CSMD3: variants seen among roughly 807,000 people sequenced by gnomAD.
CSMD3 encodes the protein CUB and Sushi multiple domains 3.
A neutral mutation model predicts 435.2 loss-of-function variants in CSMD3; 177 were observed. That is an observed-to-expected ratio of 0.41 (90% CI 0.36 to 0.46). CSMD3 has a LOEUF of 0.46. Ranked by LOEUF, CSMD3 falls within the 20% of genes least tolerant of loss-of-function variation. The probability of loss-of-function intolerance (pLI) is 0.34; values close to 1 mark genes in which losing one functional copy is unlikely to be tolerated. For missense variants in CSMD3, 4,265 were observed against 4,504.6 expected, an observed-to-expected ratio of 0.95 and a Z score of 1.52; for synonymous variants, 1,656 against 1,520.5, an observed-to-expected ratio of 1.09 and a Z score of -2.07.
intron 70 of CSMD3, among the ~76,000 whole-genome samples, chr8:112,226,628 G>C (rs900814920): frequency 6.6e-6 from 1 of 152,006 alleles, no homozygotes; most frequent in African/African-American, 2.4e-5. Context: ...TACAACCCAC[G>C]GAAAGGGAGA....
At chr8:112,996,939 C>A (rs1423509185) in intron 6 of CSMD3, among the ~76,000 whole-genome samples, 1 of 151,546 alleles carries the variant, frequency 6.6e-6, no homozygotes, top group Non-Finnish European at 1.5e-5. Flanking sequence ...GATAACAGAA[C>A]TGTAAAAGAG....
At chr8:112,612,278 C>T (rs1010230574) in intron 22 of CSMD3, among the ~76,000 whole-genome samples, 3 of 152,098 alleles carry the variant, frequency 2.0e-5, no homozygotes, top group African/African-American at 7.2e-5. Flanking sequence ...TTTCAGCAGA[C>T]CTAAAGTCTG....
intron 10 of CSMD3, among the ~76,000 whole-genome samples, chr8:112,890,314 A>C (rs937203714): frequency 2.0e-5 from 3 of 151,692 alleles, no homozygotes; most frequent in African/African-American, 7.3e-5. Flanking sequence ...TGTCTTTGCT[A>C]TAAGTATCTG....
intron 38 of CSMD3, among the ~76,000 whole-genome samples, chr8:112,375,125 T>C (rs1287218539): frequency 6.6e-6 from 1 of 152,150 alleles, no homozygotes; most frequent in Non-Finnish European, 1.5e-5. Context: ...CATTTTTTAG[T>C]TTGATTCAGA....
intron 32 of CSMD3, among the ~76,000 whole-genome samples, chr8:112,450,852 T>A (rs1478164443): frequency 1.3e-5 from 2 of 152,194 alleles, no homozygotes; most frequent in Non-Finnish European, 2.9e-5. Flanking sequence ...TTAAAATATG[T>A]ATCAAGAATT....
At position 113,436,741 on chromosome 8, in the gene CSMD3, C is replaced by T. The variant is rs2130153572; in HGVS notation, c.114G>A (p.Met38Ile). 1 of 1,614,166 alleles carries T rather than the reference C, an allele frequency of 6.2e-7. No homozygotes were observed. The highest frequency in any genetic ancestry group is 2.2e-5 in the East Asian group (1 of 44,872). ...GRLDFILMKK[M>I]GIKSGFTFWN... The stretch of plus-strand genomic sequence containing the variant: ...AAAACGTAAATCCACTTTTAATCCC[C>T]ATTTTCTTCATCAGGATGAAGTCTA... Residue 38 changes from methionine to isoleucine, a missense_variant, in exon 1 of 71, where the codon ATG becomes ATA. By Grantham distance (10) the Met-to-Ile change is conservative. This residue lies in a region of CSMD3 where 731 missense variants were observed against 755.4 expected (regional missense o/e 0.97). Transcript: ENST00000297405.
chr8:113,287,946 T>G (rs1293787412), intron 2 of CSMD3, among the ~76,000 whole-genome samples: 1 of 151,894 alleles, frequency 6.6e-6, no homozygotes, highest in Admixed American at 6.6e-5. Context: ...TATTTCATTT[T>G]TTTGGTCTGA....
chr8:112,907,699 T>C (rs1368261758), intron 10 of CSMD3, among the ~76,000 whole-genome samples: 2 of 151,324 alleles, frequency 1.3e-5, no homozygotes, highest in African/African-American at 4.8e-5. Context: ...GTGTTTATGA[T>C]TGGAACTAAG....
chr8:112,387,427 G>C (rs908333521), intron 36 of CSMD3, among the ~76,000 whole-genome samples: 1 of 149,764 alleles, frequency 6.7e-6, no homozygotes, highest in Non-Finnish European at 1.5e-5. Flanking sequence ...ATAGCTTTTA[G>C]GTAAATTTAA....
intron 17 of CSMD3, among the ~76,000 whole-genome samples, chr8:112,662,517 T>G (rs999350434): frequency 4.6e-5 from 7 of 152,020 alleles, no homozygotes; most frequent in African/African-American, 9.7e-5. Context: ...TATACAAAAA[T>G]TAATTCAAGA....
chr8:112,379,412 T>G (rs1370831248), intron 38 of CSMD3, among the ~76,000 whole-genome samples: 1 of 152,156 alleles, frequency 6.6e-6, no homozygotes, highest in African/African-American at 2.4e-5. Flanking sequence ...GAGGTTGCAG[T>G]GAGCCAAGAT....
chr8:113,173,991 T>C (rs1588205203), intron 3 of CSMD3, 75 bp from the exon 4 acceptor site: 1 of 993,680 alleles, frequency 1.0e-6, no homozygotes, highest in Admixed American at 1.9e-5. Flanking sequence ...TATAAAATTA[T>C]ATATGTAGAT....
At chr8:112,854,050 T>C (rs900981220) in intron 11 of CSMD3, among the ~76,000 whole-genome samples, 1 of 152,214 alleles carries the variant, frequency 6.6e-6, no homozygotes, top group African/African-American at 2.4e-5. Context: ...TTTTTACTTT[T>C]CTTTCTGGAT....
At chr8:113,292,755 G>C (rs1170592425) in intron 2 of CSMD3, among the ~76,000 whole-genome samples, 1 of 151,600 alleles carries the variant, frequency 6.6e-6, no homozygotes, top group African/African-American at 2.4e-5. Flanking sequence ...ATATTATTAG[G>C]TTGATGCAAA....
chr8:112,848,240 T>C (rs866836083), intron 11 of CSMD3, among the ~76,000 whole-genome samples: 20 of 152,220 alleles, frequency 1.3e-4, no homozygotes, highest in African/African-American at 3.9e-4. Flanking sequence ...ATGGTAGCTC[T>C]AGAGAAAATA....
chr8:113,072,706 T>C (rs1393281263), intron 5 of CSMD3, among the ~76,000 whole-genome samples: 1 of 151,834 alleles, frequency 6.6e-6, no homozygotes, highest in Non-Finnish European at 1.5e-5. Flanking sequence ...CTTCATTTCA[T>C]TTAAAATCAG....
intron 12 of CSMD3, among the ~76,000 whole-genome samples, chr8:112,803,633 A>G (rs2132345126): frequency 6.6e-6 from 1 of 152,310 alleles, no homozygotes; most frequent in East Asian, 1.9e-4. Flanking sequence ...AGTCTAATAA[A>G]CAGTAACATG....
At chr8:113,223,981 A>AT (rs1010168887) in intron 3 of CSMD3, among the ~76,000 whole-genome samples, 60 of 151,206 alleles carry the variant, frequency 4.0e-4, no homozygotes, top group African/African-American at 1.3e-3. Context: ...GATCATCCAC[A>AT]TTTTTTCTAG....
At chr8:112,903,167 A>AAG (rs1554714315) in intron 10 of CSMD3, among the ~76,000 whole-genome samples, 24 of 148,004 alleles carry the variant, frequency 1.6e-4, no homozygotes, top group African/African-American at 2.0e-4. Flanking sequence ...AAAAAAAAAA[A>AAG]AAAAAAAAGA....
Sources: gnomAD v4.1 joint callset for allele counts (sites outside exome capture counted in the v4.1 genomes callset) on GRCh38, gnomAD v4.1.1 for gene constraint, gnomAD v4.1.1 regional missense constraint, MANE v1.5 for transcripts, NCBI Gene and HGNC (gene_info 2026-07-23, HGNC 2026-07-21) for gene names.